The following DNAH7 variants were observed in gnomAD, a reference collection of about 807,000 sequenced individuals.
The protein encoded by DNAH7 is axonemal beta dynein heavy chain 7.
A neutral mutation model predicts 444.6 loss-of-function variants in DNAH7; 397 were observed. The observed-to-expected ratio is 0.89, with a 90% CI of 0.82 to 0.97. The LOEUF is 0.97. DNAH7 is among the 50% of genes least tolerant of loss of function. DNAH7 has a pLI of 0.00. For missense variants in DNAH7, 4,902 were observed against 4,800.8 expected, an observed-to-expected ratio of 1.02 and a Z score of -0.62; for synonymous variants, 1,636 against 1,624.4, an observed-to-expected ratio of 1.01 and a Z score of -0.17.
chr2:195,897,657 A>G lies in DNAH7; in HGVS notation c.4647+10T>C. ...GAGTTTTGATGCATTGGGATAATGAATGTTCTTACCTCAAAGAGTGGTAAA... is the reference window on the plus strand; with the variant it reads ...GAGTTTTGATGCATTGGGATAATGAGTGTTCTTACCTCAAAGAGTGGTAAA... On this transcript the variant is annotated intron_variant, in intron 29 of 64. Coordinates refer to ENST00000312428, the MANE Select transcript of DNAH7 (RefSeq NM_018897.3). 2 of 1,508,974 alleles carry G rather than the reference A, an allele frequency of 1.3e-6. No individual in the cohort carries two copies. Among genetic ancestry groups the G allele is most frequent in the Non-Finnish European group, 1.8e-6 (2 of 1,094,340 alleles). 93.5% of individuals were successfully genotyped at this position (1,508,974 alleles called of 1,614,324 possible).
intron 63 of DNAH7, among the ~76,000 whole-genome samples, chr2:195,753,251 T>C (rs1286372407): frequency 6.6e-6 from 1 of 150,958 alleles, no homozygotes; most frequent in Non-Finnish European, 1.5e-5. Context: ...TAAGGTGAGA[T>C]GTGGGAGCAG....
chr2:195,816,155 AAATAAG>A (rs1697209074), intron 51 of DNAH7, among the ~76,000 whole-genome samples: 1 of 152,234 alleles, frequency 6.6e-6, no homozygotes, highest in South Asian at 2.1e-4. Flanking sequence ...TATTTTATGT[AAATAAG>A]AATAATAGAA....
intron 9 of DNAH7, among the ~76,000 whole-genome samples, chr2:196,015,850 G>T (rs545551290): frequency 3.6e-4 from 55 of 152,254 alleles, no homozygotes; most frequent in African/African-American, 1.3e-3. Flanking sequence ...GGTAGCCCTT[G>T]TTGACTGTCC....
chr2:195,817,057 C>T (rs1697257303), intron 50 of DNAH7, 94 bp from the exon 51 acceptor site: 4 of 874,486 alleles, frequency 4.6e-6, no homozygotes, highest in South Asian at 1.9e-5. Flanking sequence ...AACTTGTAAC[C>T]TAAAGAAATG....
chr2:195,781,685 AC>A (rs1695385915), intron 58 of DNAH7, among the ~76,000 whole-genome samples: 1 of 152,016 alleles, frequency 6.6e-6, no homozygotes, highest in Non-Finnish European at 1.5e-5. Flanking sequence ...ACACACACAC[AC>A]AAAATCTTAG....
At chr2:195,778,360 G>A (rs560730106) in intron 58 of DNAH7, among the ~76,000 whole-genome samples, 25 of 151,564 alleles carry the variant, frequency 1.6e-4, no homozygotes, top group Non-Finnish European at 3.1e-4. Flanking sequence ...TCAGAGGGCC[G>A]GGCATGGTGG....
chr2:196,008,706 A>ACATATCCCTCCTGCCCTCAC, intron 10 of DNAH7, among the ~76,000 whole-genome samples: 1 of 152,232 alleles, frequency 6.6e-6, no homozygotes, highest in Admixed American at 6.5e-5. Flanking sequence ...CACTGAGACG[A>ACATATCCCTCCTGCCCTCAC]AATGTCCAGA....
intron 9 of DNAH7, among the ~76,000 whole-genome samples, chr2:196,016,034 A>T (rs1172014230): frequency 6.6e-6 from 1 of 152,108 alleles, no homozygotes; most frequent in Non-Finnish European, 1.5e-5. Context: ...TGCCACCACA[A>T]CTACGGAGCC....
At chr2:196,016,492 T>C (rs1695030072) in intron 9 of DNAH7, among the ~76,000 whole-genome samples, 2 of 152,282 alleles carry the variant, frequency 1.3e-5, no homozygotes, top group Admixed American at 1.3e-4. Flanking sequence ...AAATCCATAC[T>C]GTACAATGGA....
chr2:195,811,410 G>T (rs1046422508), intron 51 of DNAH7, among the ~76,000 whole-genome samples: 1 of 152,148 alleles, frequency 6.6e-6, no homozygotes, highest in Non-Finnish European at 1.5e-5. Flanking sequence ...GATTGCAGTG[G>T]TATGATCATA....
chr2:196,008,852 A>G (rs980910512), intron 10 of DNAH7, among the ~76,000 whole-genome samples: 11 of 152,240 alleles, frequency 7.2e-5, no homozygotes, highest in African/African-American at 2.7e-4. Context: ...GTTGCTATAA[A>G]GAAATATCTG....
chr2:195,997,444 G>C (rs1157838906), intron 12 of DNAH7, among the ~76,000 whole-genome samples: 1 of 152,176 alleles, frequency 6.6e-6, no homozygotes, highest in African/African-American at 2.4e-5. Context: ...GAACCCAGGA[G>C]GCAGAGCTTC....
chr2:195,940,596 C>T (rs916163923), intron 19 of DNAH7, among the ~76,000 whole-genome samples: 3 of 152,002 alleles, frequency 2.0e-5, no homozygotes, highest in Non-Finnish European at 4.4e-5. Flanking sequence ...AGGCAACCTA[C>T]AGAATGGGAG....
intron 61 of DNAH7, 70 bp from the exon 62 acceptor site, chr2:195,756,355 A>T (rs1347495877): frequency 5.5e-6 from 7 of 1,283,622 alleles, no homozygotes; most frequent in Non-Finnish European, 7.3e-6. Context: ...CCACCTTTTA[A>T]ATACCTCCTT....
At chr2:195,971,041 T>C (rs895711762) in intron 16 of DNAH7, among the ~76,000 whole-genome samples, 3 of 152,216 alleles carry the variant, frequency 2.0e-5, no homozygotes, top group African/African-American at 7.2e-5. Flanking sequence ...TCATGATGTT[T>C]TCTGCAGTTT....
chr2:195,969,016 A>G (rs777128455), intron 17 of DNAH7, among the ~76,000 whole-genome samples: 2 of 152,266 alleles, frequency 1.3e-5, no homozygotes, highest in Non-Finnish European at 2.9e-5. Flanking sequence ...GCGGAGGGGC[A>G]GCATCAGCGT....
chr2:195,922,142 T>C lies in DNAH7; in HGVS notation c.3881A>G (p.Tyr1294Cys). 1.2e-6 allele frequency: 2 copies of C among 1,613,590 alleles called. No homozygotes were observed. Among genetic ancestry groups the C allele is most frequent in the Non-Finnish European group, 1.7e-6 (2 of 1,179,500 alleles). The change falls in exon 24 of 65, where the codon TAT becomes TGT. Residue 1294 changes from tyrosine to cysteine, a missense_variant. Physicochemically the swap from Tyr to Cys is radical, Grantham distance 194. Transcript: ENST00000312428. ...INAGLRYGYE[Y>C]LGNSPRLVIT... ...AACCAGCCTAGGGGAATTACCCAGA[T>C]ATTCATATCCATATCGCAAACCAGC...
rs377540957 is a variant in DNAH7 at position 196,027,659 on chromosome 2, AATT to A, written c.486+298_486+300del. Among the ~76,000 whole-genome samples, 68 of 152,192 alleles carry A rather than the reference AATT, an allele frequency of 4.5e-4. 1 individual carries two copies. The East Asian group carries it at 0.013, about 28-fold the overall frequency. On this transcript the variant is annotated intron_variant, in intron 6 of 64. Coordinates refer to ENST00000312428, the MANE Select transcript of DNAH7 (RefSeq NM_018897.3). ...ATGCCTTGTAAAATATACATTATAT[AATT>A]ATTATAGGATAATTTCTCATAAAAA... is the stretch of plus-strand genomic sequence containing the variant.
chr2:196,051,083 G>C (rs1309102301), intron 3 of DNAH7, 104 bp downstream of exon 3: 4 of 999,640 alleles, frequency 4.0e-6, no homozygotes, highest in Non-Finnish European at 6.3e-6. Flanking sequence ...CATCAGAAAA[G>C]AATCAAATGG....
Sources: allele counts gnomAD v4.1 joint callset (sites outside exome capture counted in the v4.1 genomes callset), GRCh38; gene constraint gnomAD v4.1.1; transcripts MANE v1.5; gene names NCBI Gene and HGNC (gene_info 2026-07-23, HGNC 2026-07-21).